The following MEF2A variants were observed in gnomAD, a reference collection of about 807,000 sequenced individuals.
MEF2A encodes the protein myocyte-specific enhancer factor 2A.
A neutral mutation model predicts 55.8 loss-of-function variants in MEF2A; 28 were observed. That is an observed-to-expected ratio of 0.50 (90% CI 0.37 to 0.69). MEF2A has a LOEUF of 0.69. MEF2A is among the 30% of genes least tolerant of loss of function. The pLI is 0.00. For synonymous variants in MEF2A, 239 were observed against 227.1 expected (o/e 1.05, Z -0.47); for missense variants, 528 against 626.2 (o/e 0.84, Z 1.67).
At chr15:99,670,478 C>T (rs996646811) in intron 4 of MEF2A, among the ~76,000 whole-genome samples, 3 of 152,014 alleles carry the variant, frequency 2.0e-5, no homozygotes, top group Non-Finnish European at 4.4e-5. Context: ...GGCGTGGTGG[C>T]GGGCGCTTGT....
chr15:99,601,845 GTGTGTGTGTGTGTC>G (rs71149479), intron 2 of MEF2A, among the ~76,000 whole-genome samples: 14,710 of 131,780 alleles, frequency 0.11, 887 homozygotes, highest in East Asian at 0.2. Flanking sequence ...GTGTGTGTGT[GTGTGTGTGTGTGTC>G]AGGGTAATGC....
intron 2 of MEF2A, among the ~76,000 whole-genome samples, chr15:99,603,664 G>A (rs188909534): frequency 1.4e-4 from 21 of 152,020 alleles, no homozygotes; most frequent in African/African-American, 5.1e-4. Context: ...GCCTCCCAAA[G>A]TGCTGGGATT....
chr15:99,665,731 CAAAA>C (rs752473261), intron 4 of MEF2A, among the ~76,000 whole-genome samples: 287 of 20,236 alleles, frequency 0.014, no homozygotes, highest in African/African-American at 0.04. Flanking sequence ...CTTAAATTTA[CAAAA>C]AAAAAAAAAA....
At chr15:99,674,650 A>G in intron 6 of MEF2A, 38 bp downstream of exon 6, 1 of 1,529,010 alleles carries the variant, frequency 6.5e-7, no homozygotes, top group Non-Finnish European at 9.0e-7. Flanking sequence ...TCTTTAATAA[A>G]GAGGGTGAAA....
intron 2 of MEF2A, among the ~76,000 whole-genome samples, chr15:99,612,459 A>T (rs2039445275): frequency 6.6e-6 from 1 of 152,124 alleles, no homozygotes; most frequent in Admixed American, 6.6e-5. Flanking sequence ...TTAAAAGGTG[A>T]GTTTTGCGGT....
At chr15:99,685,842 A>T (rs1422583751) in intron 7 of MEF2A, among the ~76,000 whole-genome samples, 1 of 152,112 alleles carries the variant, frequency 6.6e-6, no homozygotes, top group African/African-American at 2.4e-5. Flanking sequence ...TTTAGGAAGG[A>T]TTCTTTCTTA....
At chr15:99,669,456 A>G (rs1263448300) in intron 4 of MEF2A, among the ~76,000 whole-genome samples, 1 of 152,218 alleles carries the variant, frequency 6.6e-6, no homozygotes, top group Non-Finnish European at 1.5e-5. Context: ...ACTTGCTACC[A>G]TGGTTGGGGG....
chr15:99,576,667 A>T (rs1320978079), intron 1 of MEF2A, among the ~76,000 whole-genome samples: 2 of 150,592 alleles, frequency 1.3e-5, no homozygotes, highest in Non-Finnish European at 3.0e-5. Flanking sequence ...TTGAGACGGA[A>T]TCTTACTCTG....
chr15:99,663,659 G>A (rs539169587), intron 4 of MEF2A, among the ~76,000 whole-genome samples: 6 of 152,132 alleles, frequency 3.9e-5, no homozygotes, highest in African/African-American at 1.4e-4. Context: ...TAACATGAAA[G>A]AGCATAAGCT....
At chr15:99,688,985 G>A (rs912005077) in intron 7 of MEF2A, among the ~76,000 whole-genome samples, 27 of 152,082 alleles carry the variant, frequency 1.8e-4, no homozygotes, top group Admixed American at 1.3e-4. Context: ...CCCAGTCCAC[G>A]TGGTTGCTAT....
chr15:99,598,280 T>C (rs1399456899), intron 1 of MEF2A, 150 bp from the exon 2 acceptor site: 1 of 152,242 alleles, frequency 6.6e-6, no homozygotes, highest in Non-Finnish European at 1.5e-5. Context: ...TCCAAATAAA[T>C]GACTTTTTAA....
chr15:99,671,465 T>C lies in MEF2A; in HGVS notation c.390+11T>C, dbSNP rs772425635. The C allele has an allele frequency of 5.6e-6, 9 of 1,613,784 alleles. No homozygotes were observed. The highest frequency in any genetic ancestry group is 5.9e-6 in the Non-Finnish European group (7 of 1,179,806). On this transcript the variant is annotated intron_variant, in intron 5 of 11. Coordinates refer to ENST00000557942, the MANE Select transcript of MEF2A (RefSeq NM_001319206.4). Reference sequence around the variant, plus strand: ...TTCAAACGAGGCCCTGTAAGTACTTTTACTTTACCTCTACTTTTTATTTGT... The same window carrying C: ...TTCAAACGAGGCCCTGTAAGTACTTCTACTTTACCTCTACTTTTTATTTGT...
Position 99,687,889 on chromosome 15 carries a change from A to G in MEF2A, c.671-2352A>G, listed in dbSNP as rs191562584. Among the ~76,000 whole-genome samples the G allele has an allele frequency of 4.6e-5, 7 of 152,306 alleles. No homozygotes were observed. The East Asian group carries it at 1.2e-3, about 25-fold the overall frequency. The stretch of plus-strand genomic sequence containing the variant: ...GCACAGTACTGTATACATAATAGAT[A>G]TTTGAATTTTTTTAATTTCCAAATA... On this transcript the variant is annotated intron_variant, in intron 7 of 11. Transcript: ENST00000557942.
At chr15:99,624,533 T>C (rs2041765651) in intron 2 of MEF2A, among the ~76,000 whole-genome samples, 2 of 152,184 alleles carry the variant, frequency 1.3e-5, no homozygotes, top group African/African-American at 2.4e-5. Flanking sequence ...CCACTGGTCT[T>C]TATGTCTGTC....
chr15:99,697,669 G>A (rs529894708), intron 8 of MEF2A, among the ~76,000 whole-genome samples: 84 of 152,310 alleles, frequency 5.5e-4, no homozygotes, highest in African/African-American at 1.9e-3. Context: ...AGATTGATCT[G>A]TAGATTAAAC....
At chr15:99,631,157 C>G (rs1185773533) in intron 2 of MEF2A, among the ~76,000 whole-genome samples, 1 of 152,184 alleles carries the variant, frequency 6.6e-6, no homozygotes, top group Non-Finnish European at 1.5e-5. Flanking sequence ...CAAATATGTT[C>G]TGGAATTAAG....
At chr15:99,608,650 G>C (rs992179368) in intron 2 of MEF2A, among the ~76,000 whole-genome samples, 1 of 152,162 alleles carries the variant, frequency 6.6e-6, no homozygotes. Context: ...TGTAATGTCA[G>C]CATTTTGGGA....
chr15:99,690,409 A>G lies in MEF2A; in HGVS notation c.839A>G (p.Lys280Arg). 1 of 1,602,838 alleles carries G rather than the reference A, an allele frequency of 6.2e-7. No individual in the cohort carries two copies. Among genetic ancestry groups the G allele is most frequent in the South Asian group, 1.1e-5 (1 of 89,732 alleles). The change falls in exon 8 of 12, where the codon AAG (lysine) becomes AGG (arginine). Residue 280 changes from lysine to arginine, a missense_variant. Physicochemically the swap from Lys to Arg is conservative, Grantham distance 26. Coordinates refer to ENST00000557942, the MANE Select transcript of MEF2A (RefSeq NM_001319206.4). Reference protein sequence around the residue: ...DLRVVIPPSSKGMMPPLSEEE... With the variant: ...DLRVVIPPSSRGMMPPLSEEE... ...CGAGTTGTCATCCCCCCTTCAAGCA[A>G]GGGCATGATGCCTCCACTAGTAAGT...
At chr15:99,602,697 T>TGTGTGTAGGG (rs1973627903) in intron 2 of MEF2A, among the ~76,000 whole-genome samples, 1 of 81,542 alleles carries the variant, frequency 1.2e-5, no homozygotes, top group Non-Finnish European at 2.2e-5. Flanking sequence ...TGTGTGTGTG[T>TGTGTGTAGGG]GTAGGGGTGG....
Sources: allele counts gnomAD v4.1 joint callset (sites outside exome capture counted in the v4.1 genomes callset), GRCh38; gene constraint gnomAD v4.1.1; transcripts MANE v1.5; gene names NCBI Gene and HGNC (gene_info 2026-07-23, HGNC 2026-07-21).